Variants in LRIF1 observed in about 807,000 individuals in gnomAD.
The protein encoded by LRIF1 is ligand-dependent nuclear receptor-interacting factor 1.
LRIF1 carries 32 observed loss-of-function variants against 52.7 expected under a neutral mutation model. The observed-to-expected ratio is 0.61, with a 90% CI of 0.46 to 0.82. The LOEUF is 0.82. Ranked by LOEUF, LRIF1 falls within the 40% of genes least tolerant of loss-of-function variation. The pLI is 0.00. For synonymous variants in LRIF1, 323 were observed against 317.4 expected (o/e 1.02, Z -0.19); for missense variants, 887 against 892.0 (o/e 0.99, Z 0.07).
chr1:110,932,378 T>C, the LRIF1 span, among the ~76,000 whole-genome samples: 2 of 152,230 alleles, frequency 1.3e-5, no homozygotes, highest in Admixed American at 6.5e-5. Context: ...CTGTTTTGGT[T>C]ACTGTAACCT....
chr1:110,889,981 A>G, the LRIF1 span, among the ~76,000 whole-genome samples: 1 of 152,248 alleles, frequency 6.6e-6, no homozygotes, highest in Non-Finnish European at 1.5e-5. Context: ...GATATGAGAT[A>G]GATACAAGTA....
the LRIF1 span, among the ~76,000 whole-genome samples, chr1:110,918,035 TG>T: frequency 6.6e-6 from 1 of 152,184 alleles, no homozygotes; most frequent in African/African-American, 2.4e-5. Flanking sequence ...ATGCACTGAA[TG>T]AAATTTAAAA....
the LRIF1 span, among the ~76,000 whole-genome samples, chr1:110,894,784 C>T: frequency 2.0e-5 from 3 of 152,184 alleles, no homozygotes; most frequent in Non-Finnish European, 4.4e-5. Flanking sequence ...CCTTCAATGC[C>T]ACCTCATGCT....
chr1:110,896,707 T>C, the LRIF1 span: 4 of 1,613,530 alleles, frequency 2.5e-6, no homozygotes, highest in Non-Finnish European at 3.4e-6. Context: ...CCCACCAGCA[T>C]CTTGCCCCTC....
the LRIF1 span, among the ~76,000 whole-genome samples, chr1:110,934,598 G>A: frequency 6.6e-6 from 1 of 152,212 alleles, no homozygotes; most frequent in Non-Finnish European, 1.5e-5. Context: ...ACAGCATGAG[G>A]CTCCTCCGCC....
intron 1 of LRIF1, among the ~76,000 whole-genome samples, chr1:110,956,710 CAA>C (rs1658713789): frequency 6.6e-6 from 1 of 152,068 alleles, no homozygotes; most frequent in South Asian, 2.1e-4. Context: ...GATGAGGTGA[CAA>C]AGAGATTATC....
Position 110,952,407 on chromosome 1 carries a change from G to T in LRIF1, c.477C>A (p.Asp159Glu), listed in dbSNP as rs1458136113. ...TFAVPPSTQK[D>E]SSFIVVNTQS... ...GGGTATTAACTACAATAAAAGATGA[G>T]TCTTTTTGTGTTGAGGGAGGAACAG... Residue 159 changes from aspartate to glutamate, a missense_variant, in exon 2 of 4, where the codon GAC becomes GAA. Coordinates refer to ENST00000369763, the MANE Select transcript of LRIF1 (RefSeq NM_018372.4). 13 of 1,613,040 alleles carry T rather than the reference G, an allele frequency of 8.1e-6. No individual in the cohort carries two copies. Among genetic ancestry groups the T allele is most frequent in the Non-Finnish European group, 1.1e-5 (13 of 1,179,030 alleles).
chr1:110,933,456 T>C, the LRIF1 span, among the ~76,000 whole-genome samples: 1 of 152,132 alleles, frequency 6.6e-6, no homozygotes, highest in Non-Finnish European at 1.5e-5. Flanking sequence ...AAGCCTTGAA[T>C]CACTGACACC....
chr1:110,902,189 T>G, the LRIF1 span, among the ~76,000 whole-genome samples: 1 of 152,220 alleles, frequency 6.6e-6, no homozygotes, highest in Non-Finnish European at 1.5e-5. Context: ...CTTTTATGCT[T>G]GAAACTCTTC....
At chr1:110,878,380 G>A in the LRIF1 span, among the ~76,000 whole-genome samples, 5 of 152,072 alleles carry the variant, frequency 3.3e-5, no homozygotes, top group East Asian at 9.7e-4. Context: ...GGGATAGGGA[G>A]CCGTAATTAC....
At chr1:110,878,216 A>G in the LRIF1 span, among the ~76,000 whole-genome samples, 6 of 152,186 alleles carry the variant, frequency 3.9e-5, no homozygotes, top group Non-Finnish European at 4.4e-5. Context: ...TCAGTGAACT[A>G]TCTATTATGT....
the LRIF1 span, among the ~76,000 whole-genome samples, chr1:110,901,160 G>T: frequency 1.1e-3 from 146 of 135,462 alleles, no homozygotes; most frequent in East Asian, 0.017. Flanking sequence ...GTTTTTTTTT[G>T]TTTGTTTTTT....
the LRIF1 span, chr1:110,896,690 C>T: frequency 6.2e-7 from 1 of 1,613,386 alleles, no homozygotes; most frequent in East Asian, 2.2e-5. Flanking sequence ...AGTGATTGGA[C>T]CAGTGGCCCA....
At chr1:110,889,710 A>T in the LRIF1 span, among the ~76,000 whole-genome samples, 2 of 152,184 alleles carry the variant, frequency 1.3e-5, no homozygotes, top group Non-Finnish European at 2.9e-5. Context: ...CCCGTTTTAC[A>T]TAGGAAGAAA....
At chr1:110,893,418 G>A in the LRIF1 span, among the ~76,000 whole-genome samples, 4 of 152,144 alleles carry the variant, frequency 2.6e-5, no homozygotes, top group Non-Finnish European at 1.5e-5. Flanking sequence ...CGCCTCCCGG[G>A]TTCAAGCCAT....
the LRIF1 span, among the ~76,000 whole-genome samples, chr1:110,876,026 T>C: frequency 6.6e-6 from 1 of 152,192 alleles, no homozygotes; most frequent in Non-Finnish European, 1.5e-5. Context: ...AAAGAAAATA[T>C]GACACAAGCA....
At chr1:110,961,326 G>GT (rs1442832342) in intron 1 of LRIF1, among the ~76,000 whole-genome samples, 5 of 152,182 alleles carry the variant, frequency 3.3e-5, no homozygotes, top group Non-Finnish European at 7.4e-5. Flanking sequence ...CTAAATGAAT[G>GT]TTTTTTCATC....
At chr1:110,885,916 G>T in the LRIF1 span, among the ~76,000 whole-genome samples, 1 of 152,028 alleles carries the variant, frequency 6.6e-6, no homozygotes, top group African/African-American at 2.4e-5. Context: ...AAGAAAAAAA[G>T]TATTGCGCAT....
downstream of LRIF1, among the ~76,000 whole-genome samples, chr1:110,945,962 A>C (rs1207633478): frequency 1.3e-5 from 2 of 152,222 alleles, no homozygotes; most frequent in African/African-American, 2.4e-5. Flanking sequence ...AGTTAAACAC[A>C]GTTATTGTAT....
Sources: gnomAD v4.1 joint callset for allele counts (sites outside exome capture counted in the v4.1 genomes callset) on GRCh38, gnomAD v4.1.1 for gene constraint, MANE v1.5 for transcripts, NCBI Gene and HGNC (gene_info 2026-07-23, HGNC 2026-07-21) for gene names.